The following GALNT13 variants were observed in gnomAD, a reference collection of about 807,000 sequenced individuals.
The protein encoded by GALNT13 is UDP-GalNAc:polypeptide N-acetylgalactosaminyltransferase 13.
A neutral mutation model predicts 64.2 loss-of-function variants in GALNT13; 28 were observed. That is an observed-to-expected ratio of 0.44 (90% confidence interval 0.32 to 0.60). The LOEUF is 0.60. Ranked by LOEUF, GALNT13 falls within the 20% of genes least tolerant of loss-of-function variation. The probability of loss-of-function intolerance (pLI) is 0.05; values close to 1 mark genes in which losing one functional copy is unlikely to be tolerated. For synonymous variants in GALNT13, 214 were observed against 224.6 expected (o/e 0.95, Z 0.42); for missense variants, 577 against 669.8 (o/e 0.86, Z 1.53).
At chr2:154,440,000 C>T (rs1216633841) in intron 12 of GALNT13, among the ~76,000 whole-genome samples, 3 of 152,142 alleles carry the variant, frequency 2.0e-5, no homozygotes, top group Non-Finnish European at 4.4e-5. Flanking sequence ...ATTAAGCCTA[C>T]AGAAAACAGT....
At chr2:153,103,034 G>A in the GALNT13 span, among the ~76,000 whole-genome samples, 1 of 152,106 alleles carries the variant, frequency 6.6e-6, no homozygotes, top group East Asian at 1.9e-4. Context: ...TAGTCCCCCT[G>A]CCTTTAAACT....
chr2:153,680,922 ATTAG>A, the GALNT13 span, among the ~76,000 whole-genome samples: 1 of 151,952 alleles, frequency 6.6e-6, no homozygotes, highest in Non-Finnish European at 1.5e-5. Flanking sequence ...ACCAATCACT[ATTAG>A]TTTTTCAGGG....
chr2:153,688,940 C>T, the GALNT13 span, among the ~76,000 whole-genome samples: 40,255 of 150,694 alleles, frequency 0.27, 6,047 homozygotes, highest in Middle Eastern at 0.5. Flanking sequence ...TGCTGAGTTC[C>T]TGTTGCGTAT....
At chr2:153,263,923 C>T in the GALNT13 span, among the ~76,000 whole-genome samples, 208 of 152,248 alleles carry the variant, frequency 1.4e-3, no homozygotes, top group Middle Eastern at 3.4e-3. Flanking sequence ...AATGCAATTG[C>T]AAGAAAAGCA....
chr2:153,510,377 G>A, the GALNT13 span, among the ~76,000 whole-genome samples: 1 of 152,078 alleles, frequency 6.6e-6, no homozygotes, highest in Non-Finnish European at 1.5e-5. Context: ...TACTCAATAC[G>A]TGATTACTGA....
chr2:153,150,142 A>G, the GALNT13 span, among the ~76,000 whole-genome samples: 1 of 151,918 alleles, frequency 6.6e-6, no homozygotes, highest in East Asian at 1.9e-4. Context: ...AATAACTTGA[A>G]AGGAAAGTCC....
the GALNT13 span, among the ~76,000 whole-genome samples, chr2:153,154,094 C>A: frequency 6.6e-6 from 1 of 151,944 alleles, no homozygotes; most frequent in East Asian, 1.9e-4. Context: ...TGTGGTTCTC[C>A]CTGTAGAGAT....
At chr2:153,461,573 G>A in the GALNT13 span, among the ~76,000 whole-genome samples, 1 of 152,006 alleles carries the variant, frequency 6.6e-6, no homozygotes, top group Admixed American at 6.6e-5. Flanking sequence ...GATGAGTCTG[G>A]GTTAATTTCA....
chr2:154,345,788 A>G (rs1343174175), intron 9 of GALNT13, among the ~76,000 whole-genome samples: 3 of 152,044 alleles, frequency 2.0e-5, no homozygotes, highest in African/African-American at 7.2e-5. Context: ...GCTCATTTCT[A>G]TTGTAAAGAC....
chr2:153,643,687 T>C, the GALNT13 span, among the ~76,000 whole-genome samples: 4,414 of 151,966 alleles, frequency 0.029, 98 homozygotes, highest in Middle Eastern at 0.06. Context: ...CATTTAGCAA[T>C]GTAGATGAAA....
the GALNT13 span, among the ~76,000 whole-genome samples, chr2:153,852,064 A>G: frequency 6.6e-6 from 1 of 152,198 alleles, no homozygotes; most frequent in African/African-American, 2.4e-5. Context: ...ATAATCCAAA[A>G]AATGAGAAAA....
At chr2:153,666,661 C>T in the GALNT13 span, among the ~76,000 whole-genome samples, 25,814 of 152,030 alleles carry the variant, frequency 0.17, 2,721 homozygotes, top group Non-Finnish European at 0.23. Flanking sequence ...ATCAAAAAGC[C>T]CTATCCAAAG....
chr2:153,206,925 T>C, the GALNT13 span, among the ~76,000 whole-genome samples: 1 of 152,024 alleles, frequency 6.6e-6, no homozygotes, highest in African/African-American at 2.4e-5. Context: ...AGCCAATTCT[T>C]TTTTTTAAGC....
chr2:154,405,268 G>A (rs575799249), intron 10 of GALNT13, among the ~76,000 whole-genome samples: 1 of 151,956 alleles, frequency 6.6e-6, no homozygotes, highest in African/African-American at 2.4e-5. Flanking sequence ...AAACTTGTAA[G>A]AACACATGAG....
At chr2:154,190,220 C>T (rs1686498625) in intron 4 of GALNT13, among the ~76,000 whole-genome samples, 1 of 152,138 alleles carries the variant, frequency 6.6e-6, no homozygotes, top group Non-Finnish European at 1.5e-5. Context: ...ATCCCCTTTG[C>T]CTGGCAAGTC....
Position 153,963,753 on chromosome 2 carries a change from G to C in GALNT13, c.142+19114G>C, listed in dbSNP as rs867867017. On this transcript the variant is annotated intron_variant, in intron 3 of 12. Coordinates refer to ENST00000392825, the MANE Select transcript of GALNT13 (RefSeq NM_052917.4). ...TCTCTGTGTGTGTGTGTGTGTGTGTGTGTGTGTGTGTGTGTGTGTGTGTGT... is the reference window on the plus strand; with the variant it reads ...TCTCTGTGTGTGTGTGTGTGTGTGTCTGTGTGTGTGTGTGTGTGTGTGTGT... Among the ~76,000 whole-genome samples, 1,491 of 149,358 alleles carry C rather than the reference G, an allele frequency of 1.0e-2. 29 individuals are homozygous for C. Among genetic ancestry groups the C allele is most frequent in the African/African-American group, 0.034 (1,392 of 40,776 alleles).
chr2:154,355,846 G>A (rs889615123), intron 9 of GALNT13, among the ~76,000 whole-genome samples: 3 of 151,982 alleles, frequency 2.0e-5, no homozygotes, highest in Admixed American at 1.3e-4. Context: ...ATGAGGTCAT[G>A]TTTTTCTCTT....
chr2:153,926,323 G>A (rs1489172573), intron 2 of GALNT13: 1 of 151,920 alleles, frequency 6.6e-6, no homozygotes, highest in Non-Finnish European at 1.5e-5. Flanking sequence ...AGGCTGCAAT[G>A]GTGGGAATAG....
intron 9 of GALNT13, among the ~76,000 whole-genome samples, chr2:154,343,242 T>C (rs1026654603): frequency 6.6e-5 from 10 of 151,994 alleles, no homozygotes; most frequent in Non-Finnish European, 1.2e-4. Context: ...CTCAGTGAAA[T>C]TAGTTTTAAA....
Sources: gnomAD v4.1 joint callset for allele counts (sites outside exome capture counted in the v4.1 genomes callset) on GRCh38, gnomAD v4.1.1 for gene constraint, MANE v1.5 for transcripts, NCBI Gene and HGNC (gene_info 2026-07-23, HGNC 2026-07-21) for gene names.